Variants in TAF1 observed in about 807,000 individuals in gnomAD.
TAF1 encodes the protein transcription initiation factor TFIID subunit 1.
Under a neutral mutation model 138.5 loss-of-function variants are expected in TAF1, and 2 were observed. The ratio of observed to expected loss-of-function variants is 0.01; its 90% CI spans 0.01 to 0.05. The LOEUF (loss-of-function observed/expected upper bound fraction) is 0.05, where lower values mean the gene tolerates loss of function less well. TAF1 is among the 10% of genes least tolerant of loss of function. The pLI is 1.00. For synonymous variants in TAF1, 437 were observed against 503.2 expected, an observed-to-expected ratio of 0.87 and a Z score of 1.76; for missense variants, 709 against 1,478.0, an observed-to-expected ratio of 0.48 and a Z score of 8.53.
At chrX:71,412,635 C>T (rs774381188) in intron 28 of TAF1, among the ~76,000 whole-genome samples, 5 of 111,766 alleles carry the variant, frequency 4.5e-5, no homozygotes, top group South Asian at 3.7e-4. Context: ...TTGCCCAGGC[C>T]GGAGTGCAGT....
At position 71,406,671 on chromosome X, in the gene TAF1, C is replaced by A. The variant is rs2035489426; in HGVS notation, c.4032C>A (p.Leu1344=). 8.3e-7 allele frequency: 1 copy of A among 1,207,657 alleles called. No individual in the cohort carries two copies. Among genetic ancestry groups the A allele is most frequent in the Non-Finnish European group, 1.1e-6 (1 of 894,312 alleles). The change falls in exon 26 of 38, where the codon CTC becomes CTA. Residue 1344 remains leucine (L), a synonymous_variant. Coordinates refer to ENST00000423759, the MANE Select transcript of TAF1 (RefSeq NM_004606.5). ...AGGTTCGCAGAAAATCTCTGGTTCT[C>A]AAGTTTCCTAAACAGCAGCTTCCTC... ...ADEVRRKSLV[L]KFPKQQLPPK...
intron 23 of TAF1, 31 bp from the exon 24 acceptor site, chrX:71,398,540 AT>A: frequency 8.3e-7 from 1 of 1,202,281 alleles, no homozygotes; most frequent in South Asian, 1.8e-5. Flanking sequence ...TGGTCCTGTG[AT>A]TTTTCTTCCT....
At chrX:71,451,621 C>CGGCCTT (rs2037969849) in intron 32 of TAF1, among the ~76,000 whole-genome samples, 1 of 109,678 alleles carries the variant, frequency 9.1e-6, no homozygotes, top group South Asian at 3.9e-4. Flanking sequence ...GAGGACCCTG[C>CGGCCTT]GGCCTTCCGC....
At chrX:71,410,454 C>CTTTTTTTTTTTTTTT (rs57027102) in intron 28 of TAF1, among the ~76,000 whole-genome samples, 1 of 70,650 alleles carries the variant, frequency 1.4e-5, no homozygotes, top group African/African-American at 5.7e-5. Context: ...TTTCTTTTTT[C>CTTTTTTTTTTTTTTT]TTTTTTTTTT....
intron 32 of TAF1, among the ~76,000 whole-genome samples, chrX:71,435,151 A>C (rs921221732): frequency 8.9e-6 from 1 of 112,305 alleles, no homozygotes; most frequent in Non-Finnish European, 1.9e-5. Context: ...TGGGATGGAC[A>C]TAGGTAGAAC....
At position 71,464,902 on chromosome X, in the gene TAF1, AT is replaced by A. The variant is rs1181455086; in HGVS notation, c.*858del. Reference sequence around the variant, plus strand: ...TAGTTCCTAAATGGATTGGAGGCAAATTACCGTAAATTTTGAAACAGCCTAT... The same window carrying A: ...TAGTTCCTAAATGGATTGGAGGCAAATACCGTAAATTTTGAAACAGCCTAT... On this transcript the variant is annotated 3_prime_UTR_variant, in exon 38 of 38. Transcript: ENST00000423759. 1 of 111,417 alleles carries A rather than the reference AT, an allele frequency of 9.0e-6. No homozygotes were observed. The highest frequency in any genetic ancestry group is 3.8e-4 in the South Asian group (1 of 2,663). 9.2% of individuals were successfully genotyped at this position (111,417 alleles called of 1,213,427 possible).
chrX:71,408,260 C>T (rs1407368014), intron 28 of TAF1, 109 bp downstream of exon 28: 6 of 904,071 alleles, frequency 6.6e-6, no homozygotes, highest in Non-Finnish European at 7.6e-6. Context: ...TGTATTTGTG[C>T]ATTCATTTGT....
chrX:71,469,779 G>A (rs2038847431), downstream of TAF1, among the ~76,000 whole-genome samples: 1 of 110,736 alleles, frequency 9.0e-6, no homozygotes, highest in Non-Finnish European at 1.9e-5. Context: ...TTGGCTCACC[G>A]CAACCTCTAC....
At chrX:71,509,505 C>G (rs760428647) in intron 13 of TAF1, among the ~76,000 whole-genome samples, 3 of 110,945 alleles carry the variant, frequency 2.7e-5, no homozygotes, top group South Asian at 7.7e-4. Context: ...AGCAACAAAG[C>G]CTGACTCAGC....
chrX:71,448,457 C>T (rs977356335), intron 32 of TAF1, among the ~76,000 whole-genome samples: 3 of 112,043 alleles, frequency 2.7e-5, no homozygotes, highest in African/African-American at 6.5e-5. Context: ...ATATTACATA[C>T]AGAATTTTGT....
intron 28 of TAF1, among the ~76,000 whole-genome samples, chrX:71,408,917 G>C (rs923536783): frequency 1.0e-4 from 11 of 108,936 alleles, no homozygotes; most frequent in Non-Finnish European, 1.9e-4. Context: ...GGGAGGCTGA[G>C]GCAGGAGAAT....
chrX:71,435,763 A>G (rs1375858699), intron 32 of TAF1, among the ~76,000 whole-genome samples: 1 of 111,521 alleles, frequency 9.0e-6, no homozygotes, highest in Non-Finnish European at 1.9e-5. Context: ...CGGAAACTTC[A>G]TATGCATACA....
At chrX:71,487,854 T>G (rs2039201352) in intron 13 of TAF1, among the ~76,000 whole-genome samples, 1 of 111,860 alleles carries the variant, frequency 8.9e-6, no homozygotes, top group African/African-American at 3.2e-5. Flanking sequence ...TTCCTGCTTC[T>G]TTGCTTGCCT....
intron 13 of TAF1, among the ~76,000 whole-genome samples, chrX:71,507,120 G>C (rs1476507688): frequency 8.9e-6 from 1 of 112,101 alleles, no homozygotes; most frequent in Non-Finnish European, 1.9e-5. Context: ...CATATGGGGT[G>C]ACGAAGCTGT....
chrX:71,388,938 AGATG>A, intron 17 of TAF1, 70 bp downstream of exon 17: 1 of 1,095,915 alleles, frequency 9.1e-7, no homozygotes, highest in Non-Finnish European at 1.2e-6. Context: ...CCCCCCAGAG[AGATG>A]AGAGAGAAGA....
intron 4 of TAF1, among the ~76,000 whole-genome samples, chrX:71,376,378 C>T (rs887395334): frequency 3.1e-4 from 34 of 111,116 alleles, no homozygotes; most frequent in Non-Finnish European, 5.1e-4. Context: ...GGTTACTTAT[C>T]AGAAAGTAGG....
intron 32 of TAF1, among the ~76,000 whole-genome samples, chrX:71,452,441 G>A (rs2038047764): frequency 1.8e-5 from 2 of 110,081 alleles, no homozygotes; most frequent in South Asian, 4.0e-4. Flanking sequence ...GGGCAGAGGC[G>A]CTCTCCACAT....
Position 71,383,004 on chromosome X carries a change from C to G in TAF1, c.1787C>G (p.Ala596Gly), listed in dbSNP as rs2033990307. The G allele has an allele frequency of 8.3e-7, 1 of 1,208,189 alleles. No homozygotes were observed. The highest frequency in any genetic ancestry group is 3.0e-5 in the East Asian group (1 of 33,830). The change falls in exon 12 of 38, where the codon GCT becomes GGT. Residue 596 changes from alanine to glycine, a missense_variant. Ala to Gly is a moderately conservative substitution (Grantham distance 60, BLOSUM62 0). This residue lies in a region of TAF1 where 201 missense variants were observed against 421.3 expected (regional missense o/e 0.48). Transcript: ENST00000423759. Reference protein sequence around the residue: ...GGNIIQHSIPAVELRQPFFPT... With the variant: ...GGNIIQHSIPGVELRQPFFPT... ...TTCCTGTTTTAGCATTCAATTCCTG[C>G]TGTGGAATTACGGCAGCCCTTCTTT...
At chrX:71,408,962 C>T (rs1363746182) in intron 28 of TAF1, among the ~76,000 whole-genome samples, 3 of 105,439 alleles carry the variant, frequency 2.8e-5, no homozygotes, top group African/African-American at 1.0e-4. Flanking sequence ...TGTAGTGAGC[C>T]GAGATCGTGC....
Sources: allele counts gnomAD v4.1 joint callset (sites outside exome capture counted in the v4.1 genomes callset), GRCh38; gene constraint gnomAD v4.1.1; regional missense constraint gnomAD v4.1.1; transcripts MANE v1.5; gene names NCBI Gene and HGNC (gene_info 2026-07-23, HGNC 2026-07-21).